The following UGT1A8 variants were observed in gnomAD, a reference collection of about 807,000 sequenced individuals.
The protein encoded by UGT1A8 is UDP-glucuronosyltransferase 1A8.
UGT1A8 carries 39 observed loss-of-function variants against 45.3 expected under a neutral mutation model. The observed-to-expected ratio is 0.86, with a 90% CI of 0.67 to 1.12. The LOEUF is 1.12. Among genes scored for constraint, UGT1A8 ranks in the 50% most tolerant of loss-of-function variants. The pLI is 0.00. For synonymous variants in UGT1A8, 275 were observed against 249.2 expected, an observed-to-expected ratio of 1.10 and a Z score of -0.97; for missense variants, 719 against 664.9, an observed-to-expected ratio of 1.08 and a Z score of -0.90.
intron 1 of UGT1A8, chr2:233,760,398 C>T (rs1018382617): frequency 6.2e-7 from 1 of 1,614,186 alleles, no homozygotes; most frequent in Non-Finnish European, 8.5e-7. Flanking sequence ...CAGTGGATGG[C>T]AGCCACTGGC....
intron 1 of UGT1A8, among the ~76,000 whole-genome samples, chr2:233,720,489 G>C (rs2076863556): frequency 6.6e-6 from 1 of 152,082 alleles, no homozygotes; most frequent in Non-Finnish European, 1.5e-5. Flanking sequence ...TGTCCAAGAA[G>C]GGAAGTGTTT....
At chr2:233,623,494 A>G (rs1324453675) in intron 1 of UGT1A8, among the ~76,000 whole-genome samples, 1 of 152,156 alleles carries the variant, frequency 6.6e-6, no homozygotes, top group African/African-American at 2.4e-5. Flanking sequence ...GTAATTGTGA[A>G]TGCCATCTAG....
chr2:233,729,675 G>A, intron 1 of UGT1A8: 1 of 1,613,858 alleles, frequency 6.2e-7, no homozygotes, highest in Non-Finnish European at 8.5e-7. Flanking sequence ...TAGACTTTAA[G>A]GGCACACAGT....
rs1559310015 is a variant in UGT1A8 at position 233,617,862 on chromosome 2, G to T, written c.155G>T (p.Gly52Val). 1 of 1,614,092 alleles carries T rather than the reference G, an allele frequency of 6.2e-7. No homozygotes were observed. The highest frequency in any genetic ancestry group is 8.5e-7 in the Non-Finnish European group (1 of 1,180,014). The change falls in exon 1 of 5, where the codon GGG becomes GTG. Residue 52 changes from glycine (G) to valine (V), a missense_variant. Physicochemically the swap from Gly to Val is moderately radical, Grantham distance 109 (BLOSUM62 -3). Coordinates refer to ENST00000373450, the MANE Select transcript of UGT1A8 (RefSeq NM_019076.5). ...QSVVEKLILR[G>V]HEVVVVMPEV... is the part of the protein sequence containing the mutation. Reference sequence around the variant, plus strand: ...GTGGTGGAGAAACTTATCCTCAGGGGGCATGAGGTGGTTGTAGTCATGCCA... The same window carrying T: ...GTGGTGGAGAAACTTATCCTCAGGGTGCATGAGGTGGTTGTAGTCATGCCA...
intron 1 of UGT1A8, among the ~76,000 whole-genome samples, chr2:233,688,262 C>T (rs1179376134): frequency 2.6e-5 from 4 of 152,160 alleles, no homozygotes; most frequent in Admixed American, 1.3e-4. Flanking sequence ...TTTACATGGC[C>T]GAATATTCCA....
chr2:233,765,218 C>T (rs1413075025), intron 1 of UGT1A8, among the ~76,000 whole-genome samples: 1 of 152,118 alleles, frequency 6.6e-6, no homozygotes, highest in African/African-American at 2.4e-5. Flanking sequence ...GTATTCTTTG[C>T]AAACATAAAA....
intron 1 of UGT1A8, among the ~76,000 whole-genome samples, chr2:233,738,050 G>C (rs1314850811): frequency 6.6e-6 from 1 of 152,082 alleles, no homozygotes; most frequent in Non-Finnish European, 1.5e-5. Flanking sequence ...TTGAGGACAG[G>C]ACATGGTGGG....
At chr2:233,704,378 C>T (rs113589213) in intron 1 of UGT1A8, among the ~76,000 whole-genome samples, 7 of 151,452 alleles carry the variant, frequency 4.6e-5, no homozygotes, top group African/African-American at 1.2e-4. Flanking sequence ...CTTAGCACAT[C>T]GATTTTAACT....
intron 1 of UGT1A8, among the ~76,000 whole-genome samples, chr2:233,647,315 C>T (rs1429030186): frequency 6.6e-6 from 1 of 152,122 alleles, no homozygotes; most frequent in African/African-American, 2.4e-5. Context: ...TTTACATTTT[C>T]GTATCTAAGG....
intron 1 of UGT1A8, among the ~76,000 whole-genome samples, chr2:233,666,702 G>C (rs1425061485): frequency 6.6e-6 from 1 of 151,680 alleles, no homozygotes; most frequent in African/African-American, 2.4e-5. Flanking sequence ...ACAATGTGCA[G>C]GTTAGTTACA....
intron 1 of UGT1A8, among the ~76,000 whole-genome samples, chr2:233,684,605 T>G (rs1292324256): frequency 2.0e-5 from 3 of 152,236 alleles, no homozygotes; most frequent in African/African-American, 7.2e-5. Context: ...TTTACATATT[T>G]TGGTTATTTG....
chr2:233,752,556 A>C (rs1374384067), intron 1 of UGT1A8: 1 of 152,204 alleles, frequency 6.6e-6, no homozygotes, highest in Non-Finnish European at 1.5e-5. Context: ...TTGCTGGGAC[A>C]ACATAGTGGG....
At chr2:233,636,495 A>G (rs368365791) in intron 1 of UGT1A8, 1 of 1,597,190 alleles carries the variant, frequency 6.3e-7, no homozygotes, top group Non-Finnish European at 8.5e-7. Context: ...TTAGAATCCC[A>G]GCTGCTGGCT....
intron 1 of UGT1A8, chr2:233,729,303 G>T: frequency 6.2e-7 from 1 of 1,614,236 alleles, no homozygotes; most frequent in South Asian, 1.1e-5. Context: ...ACCAGGCAGT[G>T]GTCCTCACCC....
At chr2:233,664,183 G>A (rs1490587637) in intron 1 of UGT1A8, among the ~76,000 whole-genome samples, 1 of 152,038 alleles carries the variant, frequency 6.6e-6, no homozygotes, top group African/African-American at 2.4e-5. Flanking sequence ...CATTAGCCTG[G>A]CCCTCACTGC....
chr2:233,653,542 A>G (rs1315174488), intron 1 of UGT1A8, among the ~76,000 whole-genome samples: 3 of 152,194 alleles, frequency 2.0e-5, no homozygotes, highest in African/African-American at 7.2e-5. Context: ...AGAAACCTCT[A>G]TGGGTCACCA....
intron 1 of UGT1A8, among the ~76,000 whole-genome samples, chr2:233,736,722 G>A (rs149071654): frequency 0.034 from 5,130 of 151,780 alleles, 99 homozygotes; most frequent in African/African-American, 0.051. Flanking sequence ...CCTTTTTGTT[G>A]ATGTTTATGC....
At chr2:233,621,146 C>A (rs1433715916) in intron 1 of UGT1A8, among the ~76,000 whole-genome samples, 2 of 152,126 alleles carry the variant, frequency 1.3e-5, no homozygotes, top group Non-Finnish European at 2.9e-5. Flanking sequence ...CGTCAGGGAT[C>A]AAATTTCAAC....
At position 233,740,893 on chromosome 2, in the gene UGT1A8, T is replaced by C. The variant is rs1014621537; in HGVS notation, c.856-26141T>C. 52 of 150,244 alleles carry C rather than the reference T, an allele frequency of 3.5e-4. 1 individual carries two copies. Among genetic ancestry groups the C allele is most frequent in the African/African-American group, 1.2e-3 (48 of 39,828 alleles). 9.3% of individuals were successfully genotyped at this position (150,244 alleles called of 1,614,324 possible). A position where few individuals can be genotyped will look rare whatever the true frequency, so the allele number is the denominator to read the frequency against. The stretch of plus-strand genomic sequence containing the variant: ...ATAAAATGCTCTTGCAGGGACAACA[T>C]AGTAGGTCAACATTGTTCCCATCTC... On this transcript the variant is annotated intron_variant, in intron 1 of 4. Transcript: ENST00000373450.
Sources: gnomAD v4.1 joint callset for allele counts (sites outside exome capture counted in the v4.1 genomes callset) on GRCh38, gnomAD v4.1.1 for gene constraint, MANE v1.5 for transcripts, NCBI Gene and HGNC (gene_info 2026-07-23, HGNC 2026-07-21) for gene names.